Variants in FRK observed in about 807,000 individuals in gnomAD.
FRK encodes the protein tyrosine-protein kinase FRK.
In FRK, 51 loss-of-function variants were observed where a neutral mutation model predicts 56.4. The ratio of observed to expected loss-of-function variants is 0.90; its 90% CI spans 0.72 to 1.14. The LOEUF (loss-of-function observed/expected upper bound fraction) is 1.14, where lower values mean the gene tolerates loss of function less well. FRK is among the 50% of genes most tolerant of loss of function. The pLI is 0.00. For synonymous variants in FRK, 245 were observed against 217.9 expected, an observed-to-expected ratio of 1.12 and a Z score of -1.10; for missense variants, 570 against 601.4, an observed-to-expected ratio of 0.95 and a Z score of 0.55.
the FRK span, among the ~76,000 whole-genome samples, chr6:116,080,598 G>A: frequency 6.6e-6 from 1 of 152,074 alleles, no homozygotes; most frequent in Non-Finnish European, 1.5e-5. Flanking sequence ...GAAAATAATT[G>A]CAGTCTAGAA....
rs1371081152 is a variant in FRK, at chr6:115,941,882, G to A, written c.*532C>T. On this transcript the variant is annotated 3_prime_UTR_variant, in exon 8 of 8. Coordinates refer to ENST00000606080, the MANE Select transcript of FRK (RefSeq NM_002031.3). ...GTGCAATTACTCCAAGTACAATCAA[G>A]TCATTTAACATGGCTTTACCATCAT... The A allele has an allele frequency of 2.0e-5, 3 of 152,546 alleles. No individual in the cohort carries two copies. The highest frequency in any genetic ancestry group is 2.9e-5 in the Non-Finnish European group (2 of 68,144). 9.4% of individuals were successfully genotyped at this position (152,546 alleles called of 1,614,324 possible). A position where few individuals can be genotyped will look rare whatever the true frequency, so the allele number is the denominator to read the frequency against.
rs1052293465 is a variant in FRK, at chr6:115,941,940, A to T, written c.*474T>A. The T allele has an allele frequency of 1.3e-5, 2 of 153,674 alleles. No homozygotes were observed. The highest frequency in any genetic ancestry group is 4.8e-5 in the African/African-American group (2 of 41,452). The allele number at this position is 153,674 out of a possible 1,614,324, so 9.5% of individuals were successfully genotyped here. ...ACAGGATATTTTAAAAGAGAAAAAA[A>T]AATCTCAAAGCACAGGTCCTGCTGT... is the stretch of plus-strand genomic sequence containing the variant. On this transcript the variant is annotated 3_prime_UTR_variant, in exon 8 of 8. Coordinates refer to ENST00000606080, the MANE Select transcript of FRK (RefSeq NM_002031.3).
intron 5 of FRK, among the ~76,000 whole-genome samples, chr6:115,945,487 T>G (rs1772402202): frequency 6.6e-6 from 1 of 152,082 alleles, no homozygotes; most frequent in Non-Finnish European, 1.5e-5. Context: ...TTTGTTCACA[T>G]GATTTCAATA....
chr6:116,088,957 T>C, the FRK span, among the ~76,000 whole-genome samples: 1 of 152,218 alleles, frequency 6.6e-6, no homozygotes, highest in Non-Finnish European at 1.5e-5. Context: ...CTGAAATATG[T>C]TCATATTTGG....
At chr6:116,010,523 T>C (rs1775422764) in intron 1 of FRK, among the ~76,000 whole-genome samples, 1 of 152,182 alleles carries the variant, frequency 6.6e-6, no homozygotes, top group South Asian at 2.1e-4. Context: ...CAAGTGATTA[T>C]GAATGAGCAG....
intron 2 of FRK, among the ~76,000 whole-genome samples, chr6:115,998,571 T>C (rs1005441956): frequency 6.6e-6 from 1 of 152,186 alleles, no homozygotes; most frequent in African/African-American, 2.4e-5. Flanking sequence ...ATTTACACAC[T>C]GCCACCTTAA....
At chr6:115,976,824 T>C (rs1197662645) in intron 2 of FRK, among the ~76,000 whole-genome samples, 1 of 152,152 alleles carries the variant, frequency 6.6e-6, no homozygotes, top group Non-Finnish European at 1.5e-5. Context: ...GGATGATAGA[T>C]ATTTCTAATG....
rs549025662 is a variant in FRK at position 115,971,741 on chromosome 6, C to T, written c.467-3002G>A. ...TGATAACCAAAACACTCTACTGCTA[C>T]GTGATCAGATGTCGAATCTTCTCTC... On this transcript the variant is annotated intron_variant, in intron 2 of 7. Transcript: ENST00000606080. 4.6e-5 allele frequency among the ~76,000 whole-genome samples: 7 copies of T among 152,164 alleles called. 1 individual carries two copies. The highest frequency in any genetic ancestry group is 9.7e-5 in the African/African-American group (4 of 41,450).
the FRK span, among the ~76,000 whole-genome samples, chr6:116,075,050 A>G: frequency 2.6e-5 from 4 of 152,012 alleles, no homozygotes; most frequent in African/African-American, 9.7e-5. Context: ...CAATCATCCA[A>G]GGGGGTTTTC....
chr6:116,032,288 C>A (rs975367999), intron 1 of FRK, among the ~76,000 whole-genome samples: 2 of 151,930 alleles, frequency 1.3e-5, no homozygotes, highest in Non-Finnish European at 2.9e-5. Flanking sequence ...CAAGCTAAAA[C>A]TGAAAAACAT....
At chr6:115,976,070 G>A (rs937119407) in intron 2 of FRK, among the ~76,000 whole-genome samples, 4 of 151,982 alleles carry the variant, frequency 2.6e-5, no homozygotes, top group Admixed American at 6.6e-5. Flanking sequence ...GATGATTTCC[G>A]TCCTATTTGC....
intron 4 of FRK, among the ~76,000 whole-genome samples, chr6:115,967,337 C>T (rs1022457826): frequency 3.3e-5 from 5 of 152,138 alleles, no homozygotes; most frequent in African/African-American, 4.8e-5. Flanking sequence ...CTTCAATCAG[C>T]GATATTTTAA....
chr6:115,944,376 TGCC>T lies in FRK; in HGVS notation c.1005_1007del (p.Ala336del), dbSNP rs1351541164. ...GATAGGCCATTCCAGAGGCAACCTG[TGCC>T]GCCATGTCTACCTGTTGAGTCAGAT... On this transcript the variant is annotated inframe_deletion, in exon 6 of 8. Coordinates refer to ENST00000606080, the MANE Select transcript of FRK (RefSeq NM_002031.3). 2.5e-6 allele frequency: 4 copies of T among 1,612,640 alleles called. No homozygotes were observed. In the South Asian group the frequency reaches 4.4e-5, roughly 18 times the overall value.
At chr6:115,995,330 GA>G (rs1774796556) in intron 2 of FRK, among the ~76,000 whole-genome samples, 1 of 151,880 alleles carries the variant, frequency 6.6e-6, no homozygotes, top group Non-Finnish European at 1.5e-5. Flanking sequence ...TTAATAAAAT[GA>G]AAAAATCAAG....
chr6:115,968,908 A>G (rs1773696521), intron 2 of FRK, among the ~76,000 whole-genome samples, 169 bp from the exon 3 acceptor site: 1 of 152,208 alleles, frequency 6.6e-6, no homozygotes, highest in Non-Finnish European at 1.5e-5. Flanking sequence ...GATATAGAAC[A>G]AAAGAGAGAG....
chr6:116,079,016 T>C, the FRK span, among the ~76,000 whole-genome samples: 3 of 152,224 alleles, frequency 2.0e-5, no homozygotes. Flanking sequence ...TATAACTGTG[T>C]ATTCTGTTGG....
chr6:115,937,162 G>A lies in FRK; in HGVS notation c.*5252C>T, dbSNP rs564500613. 6.6e-6 allele frequency: 1 copy of A among 152,182 alleles called. No homozygotes were observed. Among genetic ancestry groups the A allele is most frequent in the Admixed American group, 6.5e-5 (1 of 15,284 alleles). 9.4% of individuals were successfully genotyped at this position (152,182 alleles called of 1,614,324 possible). A position where few individuals can be genotyped will look rare whatever the true frequency, so the allele number is the denominator to read the frequency against. ...ACCTTACAAGCCAGAATAGAGTAGG[G>A]GCCAATATTCAACATTCTTAAAGAA... On this transcript the variant is annotated 3_prime_UTR_variant, in exon 8 of 8. Coordinates refer to ENST00000606080, the MANE Select transcript of FRK (RefSeq NM_002031.3).
At chr6:116,055,410 G>T (rs1031898344) in intron 1 of FRK, among the ~76,000 whole-genome samples, 1 of 152,146 alleles carries the variant, frequency 6.6e-6, no homozygotes, top group Non-Finnish European at 1.5e-5. Context: ...AATAGATGAG[G>T]AATTGGAAAT....
intron 1 of FRK, among the ~76,000 whole-genome samples, chr6:116,053,529 T>C (rs909801940): frequency 3.9e-5 from 6 of 152,166 alleles, no homozygotes; most frequent in Admixed American, 6.6e-5. Context: ...AGGATGTATC[T>C]GCAGAGACAA....
Sources: gnomAD v4.1 joint callset for allele counts (sites outside exome capture counted in the v4.1 genomes callset) on GRCh38, gnomAD v4.1.1 for gene constraint, MANE v1.5 for transcripts, NCBI Gene and HGNC (gene_info 2026-07-23, HGNC 2026-07-21) for gene names.